Variants in IMPG2 observed in about 807,000 individuals in gnomAD.
The protein encoded by IMPG2 is IPM 200.
In IMPG2, 91 loss-of-function variants were observed where a neutral mutation model predicts 129.2. The observed-to-expected ratio is 0.70, with a 90% CI of 0.59 to 0.84. The LOEUF is 0.84. Among genes scored for constraint, IMPG2 ranks in the 40% least tolerant of loss-of-function variants. The probability of loss-of-function intolerance (pLI) is 0.00; values close to 1 mark genes in which losing one functional copy is unlikely to be tolerated. For missense variants in IMPG2, 1,430 were observed against 1,461.7 expected (o/e 0.98, Z 0.35); for synonymous variants, 510 against 517.7 (o/e 0.99, Z 0.20).
chr3:101,233,694 C>T (rs773731655), intron 14 of IMPG2, among the ~76,000 whole-genome samples: 11 of 152,116 alleles, frequency 7.2e-5, no homozygotes, highest in Non-Finnish European at 1.3e-4. Context: ...ATGACATTGA[C>T]CATGAATGGG....
At chr3:101,227,858 C>G (rs984757036) in intron 18 of IMPG2, 1 of 456,160 alleles carries the variant, frequency 2.2e-6, no homozygotes, top group Admixed American at 2.3e-5. Flanking sequence ...AGCAAAGGAG[C>G]CACCTATCAG....
Position 101,244,281 on chromosome 3 carries a change from C to T in IMPG2, c.2050G>A (p.Gly684Arg), listed in dbSNP as rs758509749. The change falls in exon 13 of 19, where the codon GGG (glycine) becomes AGG (arginine). Residue 684 changes from glycine (G) to arginine (R), a missense_variant. Physicochemically the swap from Gly to Arg is moderately radical, Grantham distance 125. Transcript: ENST00000193391. ...TCTGCGAAGATGGGCACAGCAGGCCCACTAAGAGGCTCTTCCTCTGGAAAG... is the reference window on the plus strand; with the variant it reads ...TCTGCGAAGATGGGCACAGCAGGCCTACTAAGAGGCTCTTCCTCTGGAAAG... Reference protein sequence around the residue: ...THFPEEEPLSGPAVPIFADTA... With the variant: ...THFPEEEPLSRPAVPIFADTA... The T allele has an allele frequency of 8.1e-6, 13 of 1,613,890 alleles. No individual in the cohort carries two copies. Among genetic ancestry groups the T allele is most frequent in the Non-Finnish European group, 1.1e-5 (13 of 1,179,992 alleles).
rs1253611243 is a variant in IMPG2, at chr3:101,267,510, C to T, written c.908+1G>A. 2 of 1,611,242 alleles carry T rather than the reference C, an allele frequency of 1.2e-6. No individual in the cohort carries two copies. The highest frequency in any genetic ancestry group is 1.7e-6 in the Non-Finnish European group (2 of 1,177,558). ...ACATTAGAGAAAGTGCCAAAAAGTA[C>T]CTGTCATTTTCCTTGGGGGACCTGA... On this transcript the variant is annotated splice_donor_variant, in intron 9 of 18. Transcript: ENST00000193391. LOFTEE classifies it high-confidence loss of function.
intron 7 of IMPG2, among the ~76,000 whole-genome samples, chr3:101,269,902 A>G (rs1391885506): frequency 6.6e-6 from 1 of 151,314 alleles, no homozygotes; most frequent in Non-Finnish European, 1.5e-5. Context: ...AAGAAGCTGT[A>G]ATAGCATTTT....
At chr3:101,236,363 G>A (rs561442221) in intron 14 of IMPG2, among the ~76,000 whole-genome samples, 3 of 152,218 alleles carry the variant, frequency 2.0e-5, no homozygotes, top group East Asian at 1.9e-4. Flanking sequence ...ATTGCATGCA[G>A]CTGACATGTG....
intron 2 of IMPG2, among the ~76,000 whole-genome samples, chr3:101,318,182 T>A (rs2058794865): frequency 9.6e-6 from 1 of 103,908 alleles, no homozygotes; most frequent in Admixed American, 9.3e-5. Flanking sequence ...ATAATAATAA[T>A]AATAATATAA....
At chr3:101,304,037 CAA>C (rs776325141) in intron 3 of IMPG2, 107 bp downstream of exon 3, 200 of 1,188,574 alleles carry the variant, frequency 1.7e-4, no homozygotes, top group Non-Finnish European at 2.4e-4. Context: ...CCCAATTCAA[CAA>C]AAGAGTAATA....
rs371240065 is a variant in IMPG2, at chr3:101,244,080, T to C, written c.2251A>G (p.Thr751Ala). ...AACCATTCATAGTTGGATGACTCAG[T>C]AATTTGTTCCATATCCTCCCTTAGG... ...AILREDMEQITESSNYEWFDS... is the reference protein window; with the variant it reads ...AILREDMEQIAESSNYEWFDS... The change falls in exon 13 of 19, where the codon ACT becomes GCT. Residue 751 changes from threonine (T) to alanine (A), a missense_variant. Physicochemically the swap from Thr to Ala is moderately conservative, Grantham distance 58. Transcript: ENST00000193391. The C allele has an allele frequency of 3.3e-5, 53 of 1,613,920 alleles. No individual in the cohort carries two copies. The highest frequency in any genetic ancestry group is 4.3e-5 in the Non-Finnish European group (51 of 1,180,040).
intron 11 of IMPG2, among the ~76,000 whole-genome samples, chr3:101,252,822 C>G (rs1278560936): frequency 6.6e-6 from 1 of 152,066 alleles, no homozygotes; most frequent in Admixed American, 6.6e-5. Context: ...ATTTCCATCG[C>G]TCCATTAAAG....
chr3:101,280,841 C>T (rs1576761922), intron 4 of IMPG2, among the ~76,000 whole-genome samples: 1 of 151,818 alleles, frequency 6.6e-6, no homozygotes, highest in Non-Finnish European at 1.5e-5. Context: ...CCCAGCTACT[C>T]GGGAGGCTGA....
chr3:101,265,444 A>G (rs1259436181), intron 9 of IMPG2, among the ~76,000 whole-genome samples: 1 of 152,046 alleles, frequency 6.6e-6, no homozygotes, highest in Non-Finnish European at 1.5e-5. Context: ...CATATACTGC[A>G]GGAAGGACAC....
intron 4 of IMPG2, among the ~76,000 whole-genome samples, chr3:101,285,090 T>C (rs759498240): frequency 6.6e-6 from 1 of 152,206 alleles, no homozygotes; most frequent in Non-Finnish European, 1.5e-5. Flanking sequence ...AAAAATTTCA[T>C]AGGGTAATTG....
rs1157357063 is a variant in IMPG2, at chr3:101,245,917, T to A, written c.1428A>T (p.Pro476=). Residue 476 remains proline (P), a synonymous_variant, in exon 12 of 19, where the codon CCA becomes CCT. Coordinates refer to ENST00000193391, the MANE Select transcript of IMPG2 (RefSeq NM_016247.4). ...TCAAGCTGCTAACCTCTAAAACCTC[T>A]GGGGAAGAGCTGAGGCCCATCTTCG... The part of the protein sequence containing the change: ...FPSKMGLSSS[P]EVLEVSSLTL... 1 of 1,614,144 alleles carries A rather than the reference T, an allele frequency of 6.2e-7. No individual in the cohort carries two copies. The highest frequency in any genetic ancestry group is 1.3e-5 in the African/African-American group (1 of 75,046).
chr3:101,301,757 G>A (rs1390990808), intron 3 of IMPG2, among the ~76,000 whole-genome samples: 1 of 152,132 alleles, frequency 6.6e-6, no homozygotes, highest in African/African-American at 2.4e-5. Flanking sequence ...CTCATGGTCT[G>A]GTTGGTATCT....
intron 14 of IMPG2, among the ~76,000 whole-genome samples, chr3:101,238,864 T>C (rs890732231): frequency 2.0e-5 from 3 of 152,158 alleles, no homozygotes; most frequent in African/African-American, 7.2e-5. Flanking sequence ...AATTCATGCA[T>C]AACAATATTT....
chr3:101,246,151 T>C (rs1036630373), intron 11 of IMPG2, 46 bp from the exon 12 acceptor site: 21 of 1,584,146 alleles, frequency 1.3e-5, no homozygotes, highest in Non-Finnish European at 1.8e-5. Flanking sequence ...AAAAGAAACA[T>C]ATAAAAAGTG....
chr3:101,242,827 C>T lies in IMPG2; in HGVS notation c.2883G>A (p.Val961=), dbSNP rs1272965154. ...ILNFRNGSIV[V]NSRMKFANSV... Reference sequence around the variant, plus strand: ...AATTGGCAAACTTCATTCGACTGTTCACCACAATGCTGCCATTTCTGAAGT... The same window carrying T: ...AATTGGCAAACTTCATTCGACTGTTTACCACAATGCTGCCATTTCTGAAGT... The change falls in exon 14 of 19, where the codon GTG becomes GTA. Residue 961 remains valine (V), a synonymous_variant. Coordinates refer to ENST00000193391, the MANE Select transcript of IMPG2 (RefSeq NM_016247.4). The T allele has an allele frequency of 6.2e-7, 1 of 1,614,048 alleles. No individual in the cohort carries two copies. The highest frequency in any genetic ancestry group is 1.1e-5 in the South Asian group (1 of 91,074).
At chr3:101,233,748 T>G (rs550204000) in intron 14 of IMPG2, among the ~76,000 whole-genome samples, 2 of 152,182 alleles carry the variant, frequency 1.3e-5, no homozygotes, top group South Asian at 4.2e-4. Flanking sequence ...CACTGGTCAA[T>G]GGTAATCTGT....
At chr3:101,233,327 T>C (rs1324696025) in intron 14 of IMPG2, among the ~76,000 whole-genome samples, 9 of 152,186 alleles carry the variant, frequency 5.9e-5, no homozygotes, top group Non-Finnish European at 1.3e-4. Flanking sequence ...ATTGTAGATC[T>C]AAATTAAATG....
Sources: allele counts gnomAD v4.1 joint callset (sites outside exome capture counted in the v4.1 genomes callset), GRCh38; gene constraint gnomAD v4.1.1; transcripts MANE v1.5; gene names NCBI Gene and HGNC (gene_info 2026-07-23, HGNC 2026-07-21).